NLGN4X: variants seen among roughly 807,000 people sequenced by gnomAD.
NLGN4X encodes the protein neuroligin-4, X-linked.
Under a neutral mutation model 40.3 loss-of-function variants are expected in NLGN4X, and 3 were observed. The observed-to-expected ratio is 0.07, with a 90% confidence interval of 0.03 to 0.19. The LOEUF (loss-of-function observed/expected upper bound fraction) is 0.19. NLGN4X is among the 10% of genes least tolerant of loss of function. NLGN4X has a pLI of 1.00. For missense variants in NLGN4X, 382 were observed against 708.3 expected (o/e 0.54, Z 5.23); for synonymous variants, 270 against 306.8 (o/e 0.88, Z 1.25).
intron 3 of NLGN4X, among the ~76,000 whole-genome samples, chrX:6,029,028 C>G (rs2036784808): frequency 2.7e-5 from 3 of 112,544 alleles, no homozygotes; most frequent in Admixed American, 9.4e-5. Context: ...AAGGGAGAAA[C>G]ATGCTATAAA....
chrX:5,903,940 G>GGCTGTGAT, intron 4 of NLGN4X, 74 bp from the exon 5 acceptor site: 1 of 1,134,122 alleles, frequency 8.8e-7, no homozygotes. Context: ...GAGCAATGAA[G>GGCTGTGAT]GCTGTGATTG....
chrX:6,211,559 A>G (rs1354099868), intron 1 of NLGN4X, among the ~76,000 whole-genome samples: 1 of 112,004 alleles, frequency 8.9e-6, no homozygotes, highest in Non-Finnish European at 1.9e-5. Context: ...ATAGAAATAT[A>G]ATGTGAATAT....
At chrX:6,115,586 C>T (rs1486486904) in intron 2 of NLGN4X, among the ~76,000 whole-genome samples, 1 of 111,757 alleles carries the variant, frequency 8.9e-6, no homozygotes, top group Non-Finnish European at 1.9e-5. Flanking sequence ...CTGATTCTTG[C>T]TGAAGCAACT....
At chrX:6,168,405 C>T (rs969108517) in intron 1 of NLGN4X, among the ~76,000 whole-genome samples, 2 of 112,505 alleles carry the variant, frequency 1.8e-5, no homozygotes, top group Non-Finnish European at 3.8e-5. Context: ...AAACAAAAAA[C>T]GTAAAATAAT....
chrX:5,927,109 A>G (rs1001690628), intron 3 of NLGN4X, among the ~76,000 whole-genome samples: 3 of 111,760 alleles, frequency 2.7e-5, no homozygotes, highest in Non-Finnish European at 5.6e-5. Context: ...TTTCTTCTGT[A>G]TGATCTTTGA....
chrX:6,115,364 C>A (rs1014854727), intron 2 of NLGN4X, among the ~76,000 whole-genome samples: 2 of 111,735 alleles, frequency 1.8e-5, no homozygotes, highest in African/African-American at 6.5e-5. Flanking sequence ...TTAGAAGGAA[C>A]AGGATAGGAA....
chrX:5,906,703 G>A (rs138241058), intron 4 of NLGN4X, among the ~76,000 whole-genome samples: 1 of 110,700 alleles, frequency 9.0e-6, no homozygotes, highest in Non-Finnish European at 1.9e-5. Context: ...TTGTACAAAC[G>A]GGGTCTCGCT....
chrX:6,048,325 A>C (rs1190816206), intron 2 of NLGN4X, among the ~76,000 whole-genome samples: 1 of 111,699 alleles, frequency 9.0e-6, no homozygotes, highest in Non-Finnish European at 1.9e-5. Context: ...AGTAAAAATC[A>C]CAGGATAATT....
At chrX:6,128,828 T>A (rs1232001869) in intron 2 of NLGN4X, among the ~76,000 whole-genome samples, 3 of 112,571 alleles carry the variant, frequency 2.7e-5, no homozygotes, top group Non-Finnish European at 5.6e-5. Flanking sequence ...GAATATTTTT[T>A]AATTTTTTTT....
chrX:5,921,679 G>A (rs2033072648), intron 3 of NLGN4X, among the ~76,000 whole-genome samples: 1 of 111,411 alleles, frequency 9.0e-6, no homozygotes, highest in Non-Finnish European at 1.9e-5. Context: ...AGACTCCTCC[G>A]CTGACTTCCA....
intron 2 of NLGN4X, among the ~76,000 whole-genome samples, chrX:6,033,462 C>T (rs1429819070): frequency 8.9e-6 from 1 of 111,975 alleles, no homozygotes; most frequent in Non-Finnish European, 1.9e-5. Context: ...CAGGACAAAA[C>T]ATTATAGACC....
intron 1 of NLGN4X, chrX:6,187,568 C>T (rs1261184354): frequency 2.7e-5 from 3 of 112,467 alleles, no homozygotes; most frequent in African/African-American, 6.4e-5. Context: ...GGGCGAAGGT[C>T]CCAGGCGAAG....
chrX:5,990,123 CT>C (rs1242981470), intron 3 of NLGN4X, among the ~76,000 whole-genome samples: 4 of 105,633 alleles, frequency 3.8e-5, no homozygotes, highest in Non-Finnish European at 7.8e-5. Flanking sequence ...TCTGCTATAT[CT>C]AAATCCACCC....
chrX:5,941,180 GGTGTGTGTGT>G (rs3220455), intron 3 of NLGN4X, among the ~76,000 whole-genome samples: 3,448 of 58,565 alleles, frequency 0.059, 147 homozygotes, highest in Middle Eastern at 0.11. Context: ...TATGCTAGGG[GGTGTGTGTGT>G]GTGTGTGTGT....
At chrX:6,008,416 C>T (rs1273177674) in intron 3 of NLGN4X, among the ~76,000 whole-genome samples, 2 of 112,042 alleles carry the variant, frequency 1.8e-5, no homozygotes, top group Admixed American at 9.5e-5. Context: ...ATACATGCTA[C>T]AATGTGGATG....
At chrX:6,021,051 T>C (rs1275667081) in intron 3 of NLGN4X, among the ~76,000 whole-genome samples, 3 of 23,396 alleles carry the variant, frequency 1.3e-4, no homozygotes, top group Admixed American at 5.3e-4. Flanking sequence ...TCTCTCTCCC[T>C]CCCTCCCTCC....
chrX:6,029,682 C>CTA lies in NLGN4X; in HGVS notation c.473-252_473-251dup, dbSNP rs77572119. 0.34 allele frequency among the ~76,000 whole-genome samples: 37,421 copies of CTA among 109,585 alleles called. 5,418 individuals carry two copies. Among genetic ancestry groups the CTA allele is most frequent in the East Asian group, 0.77 (2,631 of 3,413 alleles). Reference sequence around the variant, plus strand: ...TAGCGTACTCTGCTCATCTAAGCTTCTATATATATCTAAAGCACTAAAAGA... The same window carrying CTA: ...TAGCGTACTCTGCTCATCTAAGCTTCTATATATATATCTAAAGCACTAAAAGA... On this transcript the variant is annotated intron_variant, in intron 2 of 5. Coordinates refer to ENST00000381095, the MANE Select transcript of NLGN4X (RefSeq NM_181332.3).
At chrX:6,145,920 G>A (rs1313025509) in intron 2 of NLGN4X, among the ~76,000 whole-genome samples, 3 of 110,086 alleles carry the variant, frequency 2.7e-5, no homozygotes, top group Non-Finnish European at 5.7e-5. Context: ...CCCAAGACCA[G>A]CCAGAGCAAC....
At chrX:6,008,521 C>T (rs5961917) in intron 3 of NLGN4X, among the ~76,000 whole-genome samples, 34,203 of 110,377 alleles carry the variant, frequency 0.31, 4,775 homozygotes, top group East Asian at 0.59. Flanking sequence ...TATGTGAATA[C>T]ATAGAGATGG....
Sources: gnomAD v4.1 joint callset for allele counts (sites outside exome capture counted in the v4.1 genomes callset) on GRCh38, gnomAD v4.1.1 for gene constraint, MANE v1.5 for transcripts, NCBI Gene and HGNC (gene_info 2026-07-23, HGNC 2026-07-21) for gene names.